The following SV2C variants were observed in gnomAD, a reference collection of about 807,000 sequenced individuals.
The protein encoded by SV2C is solute carrier family 22 member B3.
Under a neutral mutation model 79.7 loss-of-function variants are expected in SV2C, and 49 were observed. The observed-to-expected ratio is 0.61, with a 90% CI of 0.49 to 0.78. The LOEUF (loss-of-function observed/expected upper bound fraction) is 0.78. Among genes scored for constraint, SV2C ranks in the 30% least tolerant of loss-of-function variants. The pLI is 0.00. For synonymous variants in SV2C, 334 were observed against 333.2 expected (o/e 1.00, Z -0.03); for missense variants, 833 against 912.9 (o/e 0.91, Z 1.13).
the SV2C span, among the ~76,000 whole-genome samples, chr5:75,850,916 T>C: frequency 0.91 from 139,233 of 152,200 alleles, 63,911 homozygotes; most frequent in East Asian, 1. Flanking sequence ...AAGTCGGGCA[T>C]AGGAAGATTC....
chr5:76,244,651 T>C (rs1261876864), intron 4 of SV2C, among the ~76,000 whole-genome samples: 1 of 152,254 alleles, frequency 6.6e-6, no homozygotes, highest in Non-Finnish European at 1.5e-5. Flanking sequence ...CAAGTTTTTA[T>C]TGGAAACCCT....
At chr5:75,929,024 T>G in the SV2C span, among the ~76,000 whole-genome samples, 1 of 152,128 alleles carries the variant, frequency 6.6e-6, no homozygotes, top group Admixed American at 6.5e-5. Context: ...TCTCTGCCAT[T>G]TTGCACTCAT....
chr5:75,906,660 T>G, the SV2C span, among the ~76,000 whole-genome samples: 1 of 152,160 alleles, frequency 6.6e-6, no homozygotes, highest in Non-Finnish European at 1.5e-5. Flanking sequence ...TCAGCTTTCT[T>G]TCTCTTTTTC....
intron 2 of SV2C, among the ~76,000 whole-genome samples, chr5:76,191,720 G>T (rs967913011): frequency 7.9e-5 from 12 of 152,256 alleles, no homozygotes; most frequent in Non-Finnish European, 1.8e-4. Flanking sequence ...AGTCATACTT[G>T]AGGCCTTTGT....
At chr5:76,300,301 A>T (rs1218135059) in intron 10 of SV2C, among the ~76,000 whole-genome samples, 4 of 151,784 alleles carry the variant, frequency 2.6e-5, no homozygotes, top group Non-Finnish European at 5.9e-5. Flanking sequence ...GGCATGAGGC[A>T]CCACACCCAG....
Position 76,131,735 on chromosome 5 carries a change from C to T in SV2C, c.-16C>T, listed in dbSNP as rs780494703. 1 of 1,568,378 alleles carries T rather than the reference C, an allele frequency of 6.4e-7. No individual in the cohort carries two copies. Among genetic ancestry groups the T allele is most frequent in the South Asian group, 1.2e-5 (1 of 84,450 alleles). On this transcript the variant is annotated 5_prime_UTR_variant, in exon 2 of 13. Transcript: ENST00000502798. Reference sequence around the variant, plus strand: ...GAAAATTTCCCATCTTCTCATTGGCCATCAGTTGAGATAAGATGGAAGACT... The same window carrying T: ...GAAAATTTCCCATCTTCTCATTGGCTATCAGTTGAGATAAGATGGAAGACT...
At chr5:76,283,084 G>A (rs770206688) in intron 4 of SV2C, among the ~76,000 whole-genome samples, 1 of 151,854 alleles carries the variant, frequency 6.6e-6, no homozygotes, top group Non-Finnish European at 1.5e-5. Context: ...GAAGGCTGAG[G>A]TGGGCAGATC....
chr5:76,135,936 G>A (rs542845580), intron 2 of SV2C, among the ~76,000 whole-genome samples: 12 of 152,318 alleles, frequency 7.9e-5, no homozygotes, highest in African/African-American at 2.9e-4. Flanking sequence ...CAGCGTGCTG[G>A]CACCTCTTCC....
At chr5:76,102,275 G>A (rs1336646619) in intron 1 of SV2C, among the ~76,000 whole-genome samples, 1 of 152,022 alleles carries the variant, frequency 6.6e-6, no homozygotes, top group Admixed American at 6.6e-5. Context: ...TGCCTCCTCT[G>A]ATCCTTTATG....
the SV2C span, among the ~76,000 whole-genome samples, chr5:75,922,083 A>G: frequency 6.6e-6 from 1 of 152,142 alleles, no homozygotes; most frequent in African/African-American, 2.4e-5. Flanking sequence ...TAGATAAATG[A>G]TATATATTAA....
At chr5:76,285,679 A>G (rs1302934136) in intron 5 of SV2C, 102 bp from the exon 6 acceptor site, 9 of 932,954 alleles carry the variant, frequency 9.6e-6, no homozygotes, top group Non-Finnish European at 1.3e-5. Flanking sequence ...ACATTTGCAC[A>G]ATTACACCTC....
intron 2 of SV2C, among the ~76,000 whole-genome samples, chr5:76,182,935 G>GTT (rs1429248547): frequency 7.4e-5 from 8 of 107,606 alleles, no homozygotes; most frequent in Non-Finnish European, 1.3e-4. Flanking sequence ...GTGTGTGTGT[G>GTT]TATGTGAGAG....
chr5:76,219,662 T>C (rs1172177022), intron 4 of SV2C, among the ~76,000 whole-genome samples: 1 of 152,148 alleles, frequency 6.6e-6, no homozygotes, highest in Non-Finnish European at 1.5e-5. Context: ...AAGGCATCTA[T>C]CAGCTAGGAT....
chr5:75,876,405 C>G, the SV2C span, among the ~76,000 whole-genome samples: 1 of 151,978 alleles, frequency 6.6e-6, no homozygotes, highest in South Asian at 2.1e-4. Flanking sequence ...ACAACAGATA[C>G]TGGGTTCTCC....
chr5:76,206,738 G>T (rs1397971746), intron 3 of SV2C, among the ~76,000 whole-genome samples: 2 of 152,310 alleles, frequency 1.3e-5, no homozygotes, highest in East Asian at 3.9e-4. Flanking sequence ...CCTTCAAGGG[G>T]TTTATGGGGT....
At chr5:76,081,721 T>C (rs1746997293), upstream of SV2C, among the ~76,000 whole-genome samples, 1 of 152,172 alleles carries the variant, frequency 6.6e-6, no homozygotes, top group African/African-American at 2.4e-5. Context: ...ATCATAACTT[T>C]TAGTGCCAGA....
At chr5:76,025,685 A>G in the SV2C span, among the ~76,000 whole-genome samples, 3 of 152,302 alleles carry the variant, frequency 2.0e-5, no homozygotes, top group East Asian at 1.9e-4. Flanking sequence ...CTGCAGCTGG[A>G]TACCAAAAGA....
the SV2C span, among the ~76,000 whole-genome samples, chr5:75,879,719 C>A: frequency 6.6e-6 from 1 of 152,210 alleles, no homozygotes; most frequent in Non-Finnish European, 1.5e-5. Context: ...TTCTGGAGGG[C>A]AGTAGCCCAC....
chr5:76,177,626 G>C lies in SV2C; in HGVS notation c.581-17293G>C, dbSNP rs370145965. Among the ~76,000 whole-genome samples the C allele has an allele frequency of 5.9e-5, 9 of 152,322 alleles. No homozygotes were observed. The East Asian group carries it at 9.6e-4, about 16-fold the overall frequency. On this transcript the variant is annotated intron_variant, in intron 2 of 12. Coordinates refer to ENST00000502798, the MANE Select transcript of SV2C (RefSeq NM_014979.4). ...TGAAGGCAAAACCGCAGATAAGGGGGAACTACTGTATGCTATTCCAGATAT... is the reference window on the plus strand; with the variant it reads ...TGAAGGCAAAACCGCAGATAAGGGGCAACTACTGTATGCTATTCCAGATAT...
Sources: allele counts gnomAD v4.1 joint callset (sites outside exome capture counted in the v4.1 genomes callset), GRCh38; gene constraint gnomAD v4.1.1; transcripts MANE v1.5; gene names NCBI Gene and HGNC (gene_info 2026-07-23, HGNC 2026-07-21).